Variants in PDE4D observed in about 807,000 individuals in gnomAD.
PDE4D encodes the protein phosphodiesterase 4D.
PDE4D carries 24 observed loss-of-function variants against 87.4 expected under a neutral mutation model. The ratio of observed to expected loss-of-function variants is 0.27; its 90% CI spans 0.20 to 0.39. PDE4D has a LOEUF of 0.39. PDE4D is among the 10% of genes least tolerant of loss of function. The pLI is 1.00. For synonymous variants in PDE4D, 384 were observed against 383.2 expected (o/e 1.00, Z -0.02); for missense variants, 714 against 1,041.0 (o/e 0.69, Z 4.32).
chr5:59,427,850 A>G (rs552282863), intron 1 of PDE4D, among the ~76,000 whole-genome samples: 1 of 152,068 alleles, frequency 6.6e-6, no homozygotes, highest in South Asian at 2.1e-4. Flanking sequence ...TTGCTATACT[A>G]AAATTGAGAC....
At chr5:59,990,236 G>C (rs1182893841) in intron 2 of PDE4D, among the ~76,000 whole-genome samples, 3 of 152,116 alleles carry the variant, frequency 2.0e-5, no homozygotes, top group South Asian at 2.1e-4. Context: ...TTACCTCTCG[G>C]AGTCATTGTG....
chr5:59,092,666 AC>A (rs1241057340), intron 5 of PDE4D, among the ~76,000 whole-genome samples: 1 of 151,982 alleles, frequency 6.6e-6, no homozygotes, highest in Non-Finnish European at 1.5e-5. Context: ...TTTGAATACC[AC>A]CTCTACCATT....
intron 1 of PDE4D, among the ~76,000 whole-genome samples, chr5:59,267,423 A>C (rs756901377): frequency 1.5e-4 from 23 of 152,118 alleles, no homozygotes; most frequent in Non-Finnish European, 2.8e-4. Flanking sequence ...ATTTTAAACA[A>C]GAAAGAGAAT....
At chr5:59,031,108 G>A (rs1389359668) in intron 6 of PDE4D, among the ~76,000 whole-genome samples, 1 of 151,936 alleles carries the variant, frequency 6.6e-6, no homozygotes, top group Non-Finnish European at 1.5e-5. Context: ...TGGAGAAAAG[G>A]GAGCCCTTCT....
intron 6 of PDE4D, among the ~76,000 whole-genome samples, chr5:59,031,059 G>A (rs1470646494): frequency 6.6e-6 from 1 of 152,026 alleles, no homozygotes; most frequent in Non-Finnish European, 1.5e-5. Context: ...CAATGGCTAT[G>A]TTCAAACAGA....
At chr5:60,492,929 A>C (rs1749610516), upstream of PDE4D, among the ~76,000 whole-genome samples, 3 of 152,118 alleles carry the variant, frequency 2.0e-5, no homozygotes, top group Non-Finnish European at 1.5e-5. Flanking sequence ...GAAAAAAAAA[A>C]TGAAGGTGAA....
chr5:59,835,225 C>G (rs767842483), intron 1 of PDE4D, among the ~76,000 whole-genome samples: 8 of 152,034 alleles, frequency 5.3e-5, no homozygotes, highest in Non-Finnish European at 7.4e-5. Context: ...TGGAGATAAT[C>G]ATTCCCAAGA....
intron 3 of PDE4D, among the ~76,000 whole-genome samples, chr5:59,968,562 T>C (rs1251088970): frequency 1.3e-5 from 2 of 151,988 alleles, no homozygotes; most frequent in African/African-American, 4.8e-5. Flanking sequence ...TACCCATATA[T>C]CTAAAATAAA....
At chr5:60,250,878 A>G (rs1276031896) in intron 1 of PDE4D, among the ~76,000 whole-genome samples, 3 of 151,994 alleles carry the variant, frequency 2.0e-5, no homozygotes, top group Non-Finnish European at 2.9e-5. Context: ...ATCAGAGACG[A>G]TGGCAGCTCC....
intron 1 of PDE4D, among the ~76,000 whole-genome samples, chr5:59,790,980 G>A (rs1283400049): frequency 6.6e-6 from 1 of 152,154 alleles, no homozygotes; most frequent in Non-Finnish European, 1.5e-5. Flanking sequence ...TGAGCACAGG[G>A]AGGTGGGAGT....
At chr5:59,719,945 A>G (rs1755590398) in intron 1 of PDE4D, among the ~76,000 whole-genome samples, 1 of 152,116 alleles carries the variant, frequency 6.6e-6, no homozygotes, top group Non-Finnish European at 1.5e-5. Context: ...AACATCCATA[A>G]TTTCACTCAA....
At chr5:59,875,460 CAAAAAAAAAAAAAAAA>C (rs3062667) in intron 1 of PDE4D, among the ~76,000 whole-genome samples, 2 of 39,688 alleles carry the variant, frequency 5.0e-5, no homozygotes, top group Non-Finnish European at 8.4e-5. Flanking sequence ...ACCTCCGTCT[CAAAAAAAAAAAAAAAA>C]AAAAAAAAAA....
intron 5 of PDE4D, among the ~76,000 whole-genome samples, chr5:59,051,633 C>T (rs77545740): frequency 0.037 from 5,573 of 152,138 alleles, 352 homozygotes; most frequent in African/African-American, 0.13. Context: ...CTAATGGACA[C>T]GAACCTACCA....
chr5:59,393,694 A>T (rs1239291078), intron 1 of PDE4D, among the ~76,000 whole-genome samples: 1 of 152,178 alleles, frequency 6.6e-6, no homozygotes, highest in African/African-American at 2.4e-5. Flanking sequence ...AAGTAGTTTG[A>T]TCTGCTGGTT....
chr5:59,570,273 T>C (rs149725891), intron 1 of PDE4D, among the ~76,000 whole-genome samples: 1 of 152,326 alleles, frequency 6.6e-6, no homozygotes, highest in African/African-American at 2.4e-5. Context: ...TTAATCTCAG[T>C]ATTTAATCTC....
At chr5:60,197,077 T>TTAGTTAGA (rs1741335868) in intron 1 of PDE4D, among the ~76,000 whole-genome samples, 5 of 117,408 alleles carry the variant, frequency 4.3e-5, no homozygotes, top group Non-Finnish European at 9.3e-5. Context: ...AGATAGACAG[T>TTAGTTAGA]TAGATAGATA....
intron 2 of PDE4D, among the ~76,000 whole-genome samples, chr5:60,124,927 T>G (rs1778998938): frequency 6.6e-6 from 1 of 152,176 alleles, no homozygotes; most frequent in Non-Finnish European, 1.5e-5. Context: ...TAATCATGCA[T>G]TCCTTTGTAA....
intron 2 of PDE4D, among the ~76,000 whole-genome samples, chr5:60,074,363 A>G (rs1773057869): frequency 6.6e-6 from 1 of 152,086 alleles, no homozygotes; most frequent in African/African-American, 2.4e-5. Flanking sequence ...CTTGATTTCT[A>G]ATTTTATTGC....
intron 1 of PDE4D, among the ~76,000 whole-genome samples, chr5:59,595,520 A>T (rs1277421456): frequency 6.6e-6 from 1 of 152,090 alleles, no homozygotes; most frequent in Admixed American, 6.6e-5. Context: ...TATTTCACCG[A>T]CCTCTGAATT....
Sources: allele counts gnomAD v4.1 joint callset (sites outside exome capture counted in the v4.1 genomes callset), GRCh38; gene constraint gnomAD v4.1.1; transcripts MANE v1.5; gene names NCBI Gene and HGNC (gene_info 2026-07-23, HGNC 2026-07-21).